The following GREM1 variants were observed in gnomAD, a reference collection of about 807,000 sequenced individuals.
The protein encoded by GREM1 is gremlin-1.
A neutral mutation model predicts 13.1 loss-of-function variants in GREM1; 6 were observed. The ratio of observed to expected loss-of-function variants is 0.46; its 90% CI spans 0.25 to 0.91. The LOEUF (loss-of-function observed/expected upper bound fraction) is 0.91, where lower values mean the gene tolerates loss of function less well. GREM1 is among the 40% of genes least tolerant of loss of function. The pLI, the probability that GREM1 is intolerant of heterozygous loss-of-function variation, is 0.18. For missense variants in GREM1, 185 were observed against 233.9 expected (o/e 0.79, Z 1.36); for synonymous variants, 98 against 93.7 (o/e 1.05, Z -0.27).
At chr15:32,729,963 T>C (rs891672873) in intron 1 of GREM1, among the ~76,000 whole-genome samples, 3 of 152,240 alleles carry the variant, frequency 2.0e-5, no homozygotes, top group African/African-American at 7.2e-5. Context: ...TCTGCAGTAC[T>C]GCCACACATT....
rs566607019 is a variant in GREM1 at position 32,736,572 on chromosome 15, C to T, written c.*5327C>T. On this transcript the variant is annotated 3_prime_UTR_variant, in exon 2 of 2. Transcript: ENST00000651154. ...AGTGTTGAGTGTGCCTCAGCATTCA[C>T]ACAGAGCTCCTTGGCAGAGACTGGT... 2.0e-5 allele frequency: 3 copies of T among 152,248 alleles called. No individual in the cohort carries two copies. The East Asian group carries it at 5.8e-4, about 30-fold the overall frequency. 9.4% of individuals were successfully genotyped at this position (152,248 alleles called of 1,614,324 possible).
intron 1 of GREM1, among the ~76,000 whole-genome samples, chr15:32,720,630 T>C (rs1290964094): frequency 7.9e-5 from 12 of 152,252 alleles, no homozygotes. Context: ...TCTTTAGTTT[T>C]AACATATGCT....
chr15:32,730,851 G>A lies in GREM1; in HGVS notation c.161G>A (p.Gly54Asp). 6.2e-7 allele frequency: 1 copy of A among 1,613,736 alleles called. No individual in the cohort carries two copies. The highest frequency in any genetic ancestry group is 8.5e-7 in the Non-Finnish European group (1 of 1,179,830). The change falls in exon 2 of 2, where the codon GGC becomes GAC. Residue 54 changes from glycine to aspartate, a missense_variant. Transcript: ENST00000651154. ...CAGACTCAGTCGCCCCAGCAGCCTG[G>A]CTCCAGGAACCGGGGGCGGGGCCAA... ...SEQTQSPQQP[G>D]SRNRGRGQGR...
chr15:32,732,677 A>G lies in GREM1; in HGVS notation c.*1432A>G, dbSNP rs373667491. ...TAGCTGTTCATCTGCTACTGGTTGG[A>G]TGGACATAACTATTGTAACTATTCA... On this transcript the variant is annotated 3_prime_UTR_variant, in exon 2 of 2. Transcript: ENST00000651154. 68 of 240,970 alleles carry G rather than the reference A, an allele frequency of 2.8e-4. 2 individuals are homozygous for G. In the Middle Eastern group the frequency reaches 4.0e-3, roughly 14 times the overall value. 14.9% of individuals were successfully genotyped at this position (240,970 alleles called of 1,614,324 possible).
At position 32,730,955 on chromosome 15, in the gene GREM1, C is replaced by T. The variant is rs12911221; in HGVS notation, c.265C>T (p.Leu89=). 10 of 1,614,042 alleles carry T rather than the reference C, an allele frequency of 6.2e-6. No individual in the cohort carries two copies. Among genetic ancestry groups the T allele is most frequent in the Admixed American group, 1.7e-5 (1 of 60,012 alleles). The change falls in exon 2 of 2, where the codon CTG becomes TTG. Residue 89 remains leucine, a synonymous_variant. Coordinates refer to ENST00000651154, the MANE Select transcript of GREM1 (RefSeq NM_013372.7). ...CCTGCATGTGACGGAGCGCAAATAC[C>T]TGAAGCGAGACTGGTGCAAAACCCA... is the stretch of plus-strand genomic sequence containing the variant. ...EALHVTERKY[L]KRDWCKTQPL...
rs952512921 is a variant in GREM1 at position 32,740,258 on chromosome 15, A to G, written c.*9013A>G. ...GATGTTCCAAACCAAAGAACAAGAT[A>G]AATCTCTGGAAACTGAGCTAATGAA... is the stretch of plus-strand genomic sequence containing the variant. On this transcript the variant is annotated 3_prime_UTR_variant, in exon 2 of 2. Transcript: ENST00000651154. The G allele has an allele frequency of 1.3e-5, 2 of 152,238 alleles. No individual in the cohort carries two copies. Among genetic ancestry groups the G allele is most frequent in the Non-Finnish European group, 2.9e-5 (2 of 68,046 alleles). 9.4% of individuals were successfully genotyped at this position (152,238 alleles called of 1,614,324 possible).
intron 1 of GREM1, chr15:32,718,791 G>A (rs1282778158): frequency 3.5e-6 from 1 of 288,980 alleles, no homozygotes; most frequent in Non-Finnish European, 6.9e-6. Flanking sequence ...GCGGTGCGGG[G>A]CGCGGCCCTG....
Position 32,731,095 on chromosome 15 carries a change from A to C in GREM1, c.405A>C (p.Glu135Asp). The change falls in exon 2 of 2, where the codon GAA becomes GAC. Residue 135 changes from glutamate to aspartate, a missense_variant. Coordinates refer to ENST00000651154, the MANE Select transcript of GREM1 (RefSeq NM_013372.7). The part of the protein sequence containing the change: ...FYIPRHIRKE[E>D]GSFQSCSFCK... ...TCCCCAGGCACATCCGGAAGGAGGAAGGTTCCTTTCAGTCCTGCTCCTTCT... is the reference window on the plus strand; with the variant it reads ...TCCCCAGGCACATCCGGAAGGAGGACGGTTCCTTTCAGTCCTGCTCCTTCT... 1 of 1,614,208 alleles carries C rather than the reference A, an allele frequency of 6.2e-7. No homozygotes were observed. The highest frequency in any genetic ancestry group is 8.5e-7 in the Non-Finnish European group (1 of 1,180,034).
chr15:32,721,728 TG>T (rs2055412426), intron 1 of GREM1, among the ~76,000 whole-genome samples: 1 of 152,118 alleles, frequency 6.6e-6, no homozygotes, highest in African/African-American at 2.4e-5. Context: ...CACTCCAGCC[TG>T]GGTGACATCT....
Position 32,742,941 on chromosome 15 carries a change from G to A in GREM1, c.*11696G>A, listed in dbSNP as rs941665473. 5 of 152,240 alleles carry A rather than the reference G, an allele frequency of 3.3e-5. No homozygotes were observed. Among genetic ancestry groups the A allele is most frequent in the Admixed American group, 3.3e-4 (5 of 15,288 alleles). The allele number at this position is 152,240 out of a possible 1,614,324, so 9.4% of individuals were successfully genotyped here. On this transcript the variant is annotated 3_prime_UTR_variant, in exon 2 of 2. Transcript: ENST00000651154. The stretch of plus-strand genomic sequence containing the variant: ...AAGTAAACAGAAGAGAAAGTTTCAT[G>A]ACATTGCCCTTGGCAATGATTTCAT...
chr15:32,719,746 T>C (rs1320323621), intron 1 of GREM1, among the ~76,000 whole-genome samples: 1 of 152,198 alleles, frequency 6.6e-6, no homozygotes, highest in Admixed American at 6.5e-5. Context: ...AGTAGTGGCT[T>C]CCTTCTGGCT....
rs2055728242 is a variant in GREM1 at position 32,738,129 on chromosome 15, A to AAAAAG, written c.*6894_*6898dup. On this transcript the variant is annotated 3_prime_UTR_variant, in exon 2 of 2. Coordinates refer to ENST00000651154, the MANE Select transcript of GREM1 (RefSeq NM_013372.7). ...AAAAAAAAAAAAAAAAAAAAAAAAA[A>AAAAAG]AAAAGAAAAGAAAAAAGTCATCCAG... 1 of 142,458 alleles carries AAAAAG rather than the reference A, an allele frequency of 7.0e-6. No individual in the cohort carries two copies. Among genetic ancestry groups the AAAAAG allele is most frequent in the African/African-American group, 2.6e-5 (1 of 38,410 alleles). The allele number at this position is 142,458 out of a possible 1,614,324, so 8.8% of individuals were successfully genotyped here. A position where few individuals can be genotyped will look rare whatever the true frequency, so the allele number is the denominator to read the frequency against.
chr15:32,724,609 TG>T (rs1457904299), intron 1 of GREM1, among the ~76,000 whole-genome samples: 1 of 152,054 alleles, frequency 6.6e-6, no homozygotes, highest in Non-Finnish European at 1.5e-5. Flanking sequence ...GTATTATAAC[TG>T]GGCGTTTCTC....
intron 1 of GREM1, among the ~76,000 whole-genome samples, chr15:32,730,029 C>T (rs1266610725): frequency 6.6e-6 from 1 of 152,160 alleles, no homozygotes; most frequent in Non-Finnish European, 1.5e-5. Flanking sequence ...GAACAGCGTA[C>T]CTGGGGAGAC....
chr15:32,725,876 T>C (rs773853674), intron 1 of GREM1, among the ~76,000 whole-genome samples: 5 of 151,928 alleles, frequency 3.3e-5, no homozygotes, highest in Non-Finnish European at 5.9e-5. Flanking sequence ...TTTCCCAACG[T>C]TATTTATTAA....
chr15:32,743,393 A>T lies in GREM1; in HGVS notation c.*12148A>T, dbSNP rs2055778356. The T allele has an allele frequency of 6.6e-6, 1 of 152,090 alleles. No individual in the cohort carries two copies. The highest frequency in any genetic ancestry group is 6.5e-5 in the Admixed American group (1 of 15,270). 9.4% of individuals were successfully genotyped at this position (152,090 alleles called of 1,614,324 possible). A position where few individuals can be genotyped will look rare whatever the true frequency, so the allele number is the denominator to read the frequency against. ...TAAAGGGAAGAGGATATCCTGATGA[A>T]TTTTTTTCTTGGATTGAGCCATGTC... On this transcript the variant is annotated 3_prime_UTR_variant, in exon 2 of 2. Transcript: ENST00000651154.
rs1210462743 is a variant in GREM1 at position 32,738,565 on chromosome 15, T to G, written c.*7320T>G. ...CAAAATCCCAGGTGGCTTAAGAAAT[T>G]GACAAGTTAATCCTAAAATTCATAA... is the stretch of plus-strand genomic sequence containing the variant. On this transcript the variant is annotated 3_prime_UTR_variant, in exon 2 of 2. Transcript: ENST00000651154. The G allele has an allele frequency of 1.3e-5, 2 of 152,172 alleles. No homozygotes were observed. Among genetic ancestry groups the G allele is most frequent in the African/African-American group, 2.4e-5 (1 of 41,430 alleles). 9.4% of individuals were successfully genotyped at this position (152,172 alleles called of 1,614,324 possible). A position where few individuals can be genotyped will look rare whatever the true frequency, so the allele number is the denominator to read the frequency against.
At chr15:32,721,417 G>A (rs779050491) in intron 1 of GREM1, among the ~76,000 whole-genome samples, 5 of 152,140 alleles carry the variant, frequency 3.3e-5, no homozygotes, top group Admixed American at 2.0e-4. Context: ...AAGTAGCAAT[G>A]TTATACAGAA....
rs2055708329 is a variant in GREM1 at position 32,737,358 on chromosome 15, C to A, written c.*6113C>A. On this transcript the variant is annotated 3_prime_UTR_variant, in exon 2 of 2. Transcript: ENST00000651154. ...CCAATATCTCTTTTAAGTGTAAATG[C>A]AAAAAAATTCAACAAAATGCTAGAT... 1 of 151,922 alleles carries A rather than the reference C, an allele frequency of 6.6e-6. No individual in the cohort carries two copies. The highest frequency in any genetic ancestry group is 1.5e-5 in the Non-Finnish European group (1 of 67,984). The allele number at this position is 151,922 out of a possible 1,614,324, so 9.4% of individuals were successfully genotyped here.
Sources: allele counts gnomAD v4.1 joint callset (sites outside exome capture counted in the v4.1 genomes callset), GRCh38; gene constraint gnomAD v4.1.1; transcripts MANE v1.5; gene names NCBI Gene and HGNC (gene_info 2026-07-23, HGNC 2026-07-21).